The following FKBP15 variants were observed in gnomAD, a reference collection of about 807,000 sequenced individuals.
FKBP15 encodes FKBP prolyl isomerase family member 15.
In FKBP15, 106 loss-of-function variants were observed where a neutral mutation model predicts 158.1. That is an observed-to-expected ratio of 0.67 (90% CI 0.57 to 0.79). The LOEUF is 0.79. Among genes scored for constraint, FKBP15 ranks in the 30% least tolerant of loss-of-function variants. The pLI is 0.00. For missense variants in FKBP15, 1,287 were observed against 1,479.1 expected (o/e 0.87, Z 2.13); for synonymous variants, 547 against 548.6 (o/e 1.00, Z 0.04).
At chr9:113,181,982 G>A (rs974632157) in intron 19 of FKBP15, among the ~76,000 whole-genome samples, 9 of 152,232 alleles carry the variant, frequency 5.9e-5, no homozygotes, top group African/African-American at 2.2e-4. Flanking sequence ...GCAGGATGAG[G>A]CACTGCTTGC....
chr9:113,173,979 G>A (rs1184526863), intron 22 of FKBP15, among the ~76,000 whole-genome samples: 1 of 152,142 alleles, frequency 6.6e-6, no homozygotes, highest in African/African-American at 2.4e-5. Flanking sequence ...TTAAACAAAT[G>A]TATGCATATA....
chr9:113,217,201 G>GT (rs979783485), intron 1 of FKBP15, among the ~76,000 whole-genome samples: 2,647 of 89,356 alleles, frequency 0.03, 222 homozygotes, highest in East Asian at 0.068. Flanking sequence ...ACCACGCCCA[G>GT]TTTTTTTTTT....
At chr9:113,206,766 G>C (rs1218903832) in intron 3 of FKBP15, among the ~76,000 whole-genome samples, 188 bp from the exon 4 acceptor site, 2 of 144,652 alleles carry the variant, frequency 1.4e-5, no homozygotes, top group East Asian at 3.9e-4. Context: ...CACCAGGCTG[G>C]AGTGCAGTGA....
chr9:113,166,303 C>T, intron 27 of FKBP15, 148 bp from the exon 28 acceptor site: 1 of 626,590 alleles, frequency 1.6e-6, no homozygotes, highest in Non-Finnish European at 2.8e-6. Flanking sequence ...GGCCAGCAAA[C>T]CTAGGCTTCC....
At chr9:113,201,591 C>A (rs745734706) in intron 6 of FKBP15, among the ~76,000 whole-genome samples, 2 of 152,122 alleles carry the variant, frequency 1.3e-5, no homozygotes, top group Non-Finnish European at 2.9e-5. Flanking sequence ...ATACAGAGAA[C>A]TCTCTCACCC....
At chr9:113,167,390 C>A (rs1564145342) in intron 27 of FKBP15, among the ~76,000 whole-genome samples, 1 of 152,268 alleles carries the variant, frequency 6.6e-6, no homozygotes, top group Middle Eastern at 3.4e-3. Flanking sequence ...ATATTTAGGG[C>A]AGTCACTTAG....
intron 7 of FKBP15, 39 bp downstream of exon 7, chr9:113,199,775 A>G (rs767495506): frequency 6.3e-7 from 1 of 1,591,824 alleles, no homozygotes; most frequent in Non-Finnish European, 8.6e-7. Context: ...CTCATGCTAT[A>G]TAAGTTTACA....
chr9:113,198,898 T>C lies in FKBP15; in HGVS notation c.674A>G (p.Asp225Gly), dbSNP rs1372781870. 2 of 1,605,684 alleles carry C rather than the reference T, an allele frequency of 1.2e-6. No individual in the cohort carries two copies. Among genetic ancestry groups the C allele is most frequent in the Non-Finnish European group, 1.7e-6 (2 of 1,175,722 alleles). Residue 225 changes from aspartate (D) to glycine (G), a missense_variant, in exon 8 of 28, where the codon GAT (aspartate) becomes GGT (glycine). Coordinates refer to ENST00000238256, the MANE Select transcript of FKBP15 (RefSeq NM_015258.2). The surrounding 1 kb of genome is among the most constrained non-coding windows in gnomAD (Gnocchi z 5.2). ...TCCTAACTTCAAGCGAAGCAACTTA[T>C]CTTTGTTAGCAGTGGAGTCGAAAAC... ...GQVFDSTANKDKLLRLKLGSG... is the reference protein window; with the variant it reads ...GQVFDSTANKGKLLRLKLGSG...
intron 1 of FKBP15, among the ~76,000 whole-genome samples, chr9:113,216,141 A>AG (rs1831129757): frequency 7.1e-6 from 1 of 141,348 alleles, no homozygotes; most frequent in Non-Finnish European, 1.6e-5. Context: ...AAAAAAAAAA[A>AG]GGGGGTATGC....
chr9:113,170,797 A>G (rs1830194773), intron 24 of FKBP15, among the ~76,000 whole-genome samples, 168 bp from the exon 25 acceptor site: 1 of 152,258 alleles, frequency 6.6e-6, no homozygotes. Flanking sequence ...AGAGGATGAT[A>G]TTAAATAATG....
chr9:113,176,798 G>C (rs1022599617), intron 20 of FKBP15, 125 bp from the exon 21 acceptor site: 1 of 1,037,374 alleles, frequency 9.6e-7, no homozygotes, highest in African/African-American at 1.6e-5. Flanking sequence ...ACTCAGGCTG[G>C]AGTGCAGTGG....
intron 19 of FKBP15, among the ~76,000 whole-genome samples, chr9:113,180,310 T>C (rs1344088826): frequency 6.6e-6 from 1 of 152,206 alleles, no homozygotes; most frequent in Non-Finnish European, 1.5e-5. Context: ...ATCATTATTT[T>C]TGAGTGGAAG....
At position 113,162,507 on chromosome 9, in the gene FKBP15, C is replaced by A. The variant is rs569802413; in HGVS notation, c.*3571G>T. 8 of 364,812 alleles carry A rather than the reference C, an allele frequency of 2.2e-5. No individual in the cohort carries two copies. The highest frequency in any genetic ancestry group is 3.8e-5 in the Non-Finnish European group (8 of 209,240). 22.6% of individuals were successfully genotyped at this position (364,812 alleles called of 1,614,324 possible). On this transcript the variant is annotated 3_prime_UTR_variant, in exon 28 of 28. Coordinates refer to ENST00000238256, the MANE Select transcript of FKBP15 (RefSeq NM_015258.2). ...TAGATACCCTCATTTTCCCCTTTGC[C>A]TAGGATGCCAGGAAGCTTGAAACCA...
chr9:113,203,038 G>A lies in FKBP15; in HGVS notation c.325-3C>T. Reference sequence around the variant, plus strand: ...CTGATATAAAGAAGAATCCTATACTGTAGACAAGCAACGACAGATAGAAAA... The same window carrying A: ...CTGATATAAAGAAGAATCCTATACTATAGACAAGCAACGACAGATAGAAAA... On this transcript the variant is annotated splice_region_variant and splice_polypyrimidine_tract_variant and intron_variant, in intron 4 of 27. Transcript: ENST00000238256. 6.3e-7 allele frequency: 1 copy of A among 1,596,198 alleles called. No homozygotes were observed. The highest frequency in any genetic ancestry group is 1.1e-5 in the South Asian group (1 of 89,260).
In FKBP15 at chr9:113,168,567, A is replaced by G. The variant is rs1830137972; in HGVS notation, c.3486-11T>C. 1 of 1,611,094 alleles carries G rather than the reference A, an allele frequency of 6.2e-7. No individual in the cohort carries two copies. Among genetic ancestry groups the G allele is most frequent in the African/African-American group, 1.3e-5 (1 of 74,882 alleles). ...TCATCCCCAGAGAGACTGAAGGAAA[A>G]TCAAGTCATAGAAAATGTTATTGTT... On this transcript the variant is annotated splice_polypyrimidine_tract_variant and intron_variant, in intron 26 of 27. Coordinates refer to ENST00000238256, the MANE Select transcript of FKBP15 (RefSeq NM_015258.2).
intron 19 of FKBP15, among the ~76,000 whole-genome samples, chr9:113,182,165 G>A (rs1200219922): frequency 6.6e-6 from 1 of 151,972 alleles, no homozygotes; most frequent in Non-Finnish European, 1.5e-5. Flanking sequence ...CTAAACCTCT[G>A]AGAAGAAAGA....
chr9:113,162,735 T>C lies in FKBP15; in HGVS notation c.*3343A>G. On this transcript the variant is annotated 3_prime_UTR_variant, in exon 28 of 28. Coordinates refer to ENST00000238256, the MANE Select transcript of FKBP15 (RefSeq NM_015258.2). ...CTCATTACCAGGATTAACTTGCTTCTCCTTTTTATCTAGGTGGTATTTGTG... is the reference window on the plus strand; with the variant it reads ...CTCATTACCAGGATTAACTTGCTTCCCCTTTTTATCTAGGTGGTATTTGTG... 1 of 1,604,730 alleles carries C rather than the reference T, an allele frequency of 6.2e-7. No homozygotes were observed. The highest frequency in any genetic ancestry group is 1.7e-5 in the Admixed American group (1 of 59,084).
At position 113,166,171 on chromosome 9, in the gene FKBP15, A is replaced by T. The variant is rs1328910232; in HGVS notation, c.3583-16T>A. 6.2e-7 allele frequency: 1 copy of T among 1,606,004 alleles called. No individual in the cohort carries two copies. Among genetic ancestry groups the T allele is most frequent in the Admixed American group, 1.7e-5 (1 of 59,158 alleles). ...CCTTCATGCTCTGATAAAACAGGAA[A>T]GAGCAGTCAGTCCTCACTTGTGCCT... is the stretch of plus-strand genomic sequence containing the variant. On this transcript the variant is annotated splice_polypyrimidine_tract_variant and intron_variant, in intron 27 of 27. Coordinates refer to ENST00000238256, the MANE Select transcript of FKBP15 (RefSeq NM_015258.2).
Position 113,163,005 on chromosome 9 carries a change from T to G in FKBP15, c.*3073A>C. The G allele has an allele frequency of 8.2e-7, 1 of 1,225,056 alleles. No homozygotes were observed. The highest frequency in any genetic ancestry group is 1.1e-6 in the Non-Finnish European group (1 of 905,996). 75.9% of individuals were successfully genotyped at this position (1,225,056 alleles called of 1,614,324 possible). A position where few individuals can be genotyped will look rare whatever the true frequency, so the allele number is the denominator to read the frequency against. On this transcript the variant is annotated 3_prime_UTR_variant, in exon 28 of 28. Transcript: ENST00000238256. Reference sequence around the variant, plus strand: ...TACTTCCAACTGCCCTTTCTTCTGATGGCTATTCCTCCACCTTATTCCCAG... The same window carrying G: ...TACTTCCAACTGCCCTTTCTTCTGAGGGCTATTCCTCCACCTTATTCCCAG...
Sources: allele counts gnomAD v4.1 joint callset (sites outside exome capture counted in the v4.1 genomes callset), GRCh38; gene constraint gnomAD v4.1.1; non-coding constraint Gnocchi (gnomAD v3.1); transcripts MANE v1.5; gene names NCBI Gene and HGNC (gene_info 2026-07-23, HGNC 2026-07-21).